The following PDGFD variants were observed in gnomAD, a reference collection of about 807,000 sequenced individuals.
PDGFD encodes platelet derived growth factor D, also known as platelet-derived growth factor D.
A neutral mutation model predicts 44.7 loss-of-function variants in PDGFD; 30 were observed. The observed-to-expected ratio is 0.67, with a 90% confidence interval of 0.50 to 0.91. The LOEUF (loss-of-function observed/expected upper bound fraction) is 0.91. Among genes scored for constraint, PDGFD ranks in the 40% least tolerant of loss-of-function variants. The pLI is 0.00. For synonymous variants in PDGFD, 173 were observed against 168.4 expected (o/e 1.03, Z -0.21); for missense variants, 445 against 457.8 (o/e 0.97, Z 0.25).
intron 1 of PDGFD, among the ~76,000 whole-genome samples, chr11:104,039,413 A>G (rs1591134631): frequency 6.6e-6 from 1 of 152,116 alleles, no homozygotes; most frequent in Non-Finnish European, 1.5e-5. Context: ...GGATACAGAA[A>G]AAAATAACTC....
intron 1 of PDGFD, among the ~76,000 whole-genome samples, chr11:104,002,758 C>A (rs1400923396): frequency 6.6e-6 from 1 of 152,084 alleles, no homozygotes; most frequent in Non-Finnish European, 1.5e-5. Context: ...ATTTTTGTGC[C>A]TCTAGTGCTA....
At chr11:103,981,255 T>A (rs1859268182) in intron 3 of PDGFD, among the ~76,000 whole-genome samples, 1 of 151,634 alleles carries the variant, frequency 6.6e-6, no homozygotes, top group Non-Finnish European at 1.5e-5. Context: ...CTATGCCATC[T>A]TGGGACTCTG....
intron 3 of PDGFD, among the ~76,000 whole-genome samples, chr11:103,976,644 A>G (rs1447828027): frequency 2.0e-5 from 3 of 152,104 alleles, no homozygotes; most frequent in African/African-American, 7.2e-5. Flanking sequence ...TTGCCAGTTC[A>G]GTACGATATT....
intron 1 of PDGFD, among the ~76,000 whole-genome samples, chr11:104,015,662 T>G (rs1196226852): frequency 6.6e-6 from 1 of 152,200 alleles, no homozygotes; most frequent in African/African-American, 2.4e-5. Context: ...CTGAATGAAA[T>G]GGGTTTTAAT....
At chr11:104,015,101 G>A (rs1859841412) in intron 1 of PDGFD, among the ~76,000 whole-genome samples, 1 of 152,112 alleles carries the variant, frequency 6.6e-6, no homozygotes, top group South Asian at 2.1e-4. Context: ...GATATTGCTG[G>A]TGAATCGCTT....
intron 1 of PDGFD, among the ~76,000 whole-genome samples, chr11:104,047,332 G>A (rs188064020): frequency 2.7e-5 from 4 of 147,678 alleles, no homozygotes; most frequent in African/African-American, 9.8e-5. Context: ...TTCCACAATA[G>A]TTGAACTAAC....
At chr11:104,153,008 T>C (rs1264445589) in intron 1 of PDGFD, among the ~76,000 whole-genome samples, 1 of 152,168 alleles carries the variant, frequency 6.6e-6, no homozygotes, top group Non-Finnish European at 1.5e-5. Context: ...TATGTTTCTA[T>C]CTTACCTTCC....
At chr11:103,954,780 T>C (rs944765117) in intron 3 of PDGFD, among the ~76,000 whole-genome samples, 1 of 152,202 alleles carries the variant, frequency 6.6e-6, no homozygotes, top group African/African-American at 2.4e-5. Context: ...CTTAGAGCTT[T>C]TGAATTTCTA....
intron 1 of PDGFD, among the ~76,000 whole-genome samples, chr11:104,109,870 C>A (rs971265614): frequency 7.9e-5 from 12 of 152,062 alleles, no homozygotes; most frequent in African/African-American, 2.9e-4. Flanking sequence ...TGGATCCAGA[C>A]TGCCTGGTAT....
rs199696467 is a variant in PDGFD at position 103,938,394 on chromosome 11, T to C, written c.772+5058A>G. On this transcript the variant is annotated intron_variant, in intron 5 of 6. Transcript: ENST00000393158. ...TTCATATCCTTCACCCACTTTTTGA[T>C]GGGGTTCTTTGTTTTTTTCTTGTAA... Among the ~76,000 whole-genome samples the C allele has an allele frequency of 8.5e-5, 13 of 152,336 alleles. No individual in the cohort carries two copies. In the East Asian group the frequency reaches 1.9e-3, roughly 23 times the overall value.
chr11:104,083,031 A>G (rs1031677838), intron 1 of PDGFD, among the ~76,000 whole-genome samples: 1 of 152,114 alleles, frequency 6.6e-6, no homozygotes, highest in African/African-American at 2.4e-5. Context: ...AAATCTTCAA[A>G]ATCTTCTTTT....
At chr11:104,100,630 G>C (rs929679903) in intron 1 of PDGFD, among the ~76,000 whole-genome samples, 1 of 152,046 alleles carries the variant, frequency 6.6e-6, no homozygotes, top group African/African-American at 2.4e-5. Flanking sequence ...ACCAAAGCCT[G>C]GCAGAGACAC....
chr11:104,007,475 A>G (rs1859721452), intron 1 of PDGFD, among the ~76,000 whole-genome samples: 1 of 152,244 alleles, frequency 6.6e-6, no homozygotes, highest in African/African-American at 2.4e-5. Context: ...CATAAGATGC[A>G]AAAGGAAAAT....
intron 1 of PDGFD, among the ~76,000 whole-genome samples, chr11:104,120,020 T>C (rs966536347): frequency 4.8e-5 from 7 of 145,796 alleles, no homozygotes; most frequent in African/African-American, 1.7e-4. Context: ...TTATCTATTA[T>C]ATATAAAAAT....
chr11:103,940,074 C>A (rs1236680440), intron 5 of PDGFD, among the ~76,000 whole-genome samples: 1 of 151,982 alleles, frequency 6.6e-6, no homozygotes, highest in Admixed American at 6.6e-5. Context: ...TCTCTCTTTC[C>A]TCACCAAAAC....
chr11:103,951,234 A>G (rs2134328517), intron 3 of PDGFD, among the ~76,000 whole-genome samples: 1 of 152,320 alleles, frequency 6.6e-6, no homozygotes, highest in East Asian at 1.9e-4. Context: ...AAAAGGAATG[A>G]CATCCCTTAT....
intron 5 of PDGFD, among the ~76,000 whole-genome samples, chr11:103,927,560 T>G (rs1023596439): frequency 7.3e-6 from 1 of 136,540 alleles, no homozygotes; most frequent in Non-Finnish European, 1.5e-5. Context: ...TAGGACACAT[T>G]AGAGACAACC....
chr11:104,154,111 T>C (rs1862276993), intron 1 of PDGFD, among the ~76,000 whole-genome samples: 1 of 152,176 alleles, frequency 6.6e-6, no homozygotes, highest in Admixed American at 6.6e-5. Context: ...AAATGTTATG[T>C]TAATAGTTGT....
chr11:104,037,323 G>A lies in PDGFD; in HGVS notation c.125-37068C>T, dbSNP rs762085821. The A allele has an allele frequency of 1.9e-6, 3 of 1,613,676 alleles. No homozygotes were observed. In the Admixed American group the frequency reaches 5.0e-5, roughly 27 times the overall value. ...TGCTCAAGGAACGCAACCCTCCCTT[G>A]GCGGAAGCCCTGCTCAGCGGAAGCC... On this transcript the variant is annotated intron_variant, in intron 1 of 6. Transcript: ENST00000393158.
Sources: gnomAD v4.1 joint callset for allele counts (sites outside exome capture counted in the v4.1 genomes callset) on GRCh38, gnomAD v4.1.1 for gene constraint, MANE v1.5 for transcripts, NCBI Gene and HGNC (gene_info 2026-07-23, HGNC 2026-07-21) for gene names.